Variants in LYPD1 observed in about 807,000 individuals in gnomAD.
LYPD1 encodes the protein ly6/PLAUR domain-containing protein 1.
A neutral mutation model predicts 14.2 loss-of-function variants in LYPD1; 14 were observed. That is an observed-to-expected ratio of 0.99 (90% confidence interval 0.65 to 1.54). The LOEUF (loss-of-function observed/expected upper bound fraction) is 1.54, where lower values mean the gene tolerates loss of function less well. Ranked by LOEUF, LYPD1 falls within the 40% of genes most tolerant of loss-of-function variation. The probability of loss-of-function intolerance (pLI) is 0.00; values close to 1 mark genes in which losing one functional copy is unlikely to be tolerated. For missense variants in LYPD1, 165 were observed against 175.7 expected (o/e 0.94, Z 0.34); for synonymous variants, 85 against 70.6 (o/e 1.20, Z -1.02).
chr2:132,645,274 T>C lies in LYPD1; in HGVS notation c.*771A>G. On this transcript the variant is annotated 3_prime_UTR_variant, in exon 3 of 3. Transcript: ENST00000397463. The stretch of plus-strand genomic sequence containing the variant: ...CAGCTCGGTCATCAACCCGCTCCTG[T>C]ACACGGTGTCCTCGCAGCAGTTTCG... 1.2e-6 allele frequency: 2 copies of C among 1,614,194 alleles called. No homozygotes were observed. The highest frequency in any genetic ancestry group is 1.7e-6 in the Non-Finnish European group (2 of 1,180,028).
intron 2 of LYPD1, among the ~76,000 whole-genome samples, chr2:132,662,563 TAGGA>T (rs888288970): frequency 3.4e-5 from 4 of 119,108 alleles, no homozygotes; most frequent in East Asian, 2.4e-4. Context: ...GTTGGTCAAT[TAGGA>T]AGGAAGGAAG....
intron 2 of LYPD1, among the ~76,000 whole-genome samples, chr2:132,667,216 G>T (rs898619843): frequency 3.3e-5 from 5 of 152,186 alleles, no homozygotes; most frequent in African/African-American, 1.2e-4. Context: ...TTACCCTTGA[G>T]AGCCAGTATG....
intron 2 of LYPD1, among the ~76,000 whole-genome samples, chr2:132,658,245 C>T (rs147668383): frequency 2.1e-4 from 32 of 152,190 alleles, no homozygotes; most frequent in African/African-American, 6.7e-4. Context: ...TAGGAGCAAC[C>T]CCAAGATCAC....
chr2:132,670,220 G>C (rs956335557), upstream of LYPD1: 6 of 922,116 alleles, frequency 6.5e-6, no homozygotes, highest in African/African-American at 3.5e-5. This position sits in a 1 kb window ranked among gnomAD's most constrained non-coding sequence, Gnocchi z 4.5. Flanking sequence ...ACTGGCGATC[G>C]GGAGCACCCA....
In LYPD1 at chr2:132,646,398, G is replaced by A. The variant is rs1682080600; in HGVS notation, c.191-118C>T. ...TACTCCTCCCACAGCCCAGAGACTA[G>A]GTGAGGTCAGGGAAGTGCTTCGGAT... On this transcript the variant is annotated intron_variant, in intron 2 of 2. Coordinates refer to ENST00000397463, the MANE Select transcript of LYPD1 (RefSeq NM_144586.7). 5.4e-6 allele frequency: 3 copies of A among 558,024 alleles called. No homozygotes were observed. The Admixed American group carries it at 1.3e-4, about 24-fold the overall frequency. The allele number at this position is 558,024 out of a possible 1,614,324, so 34.6% of individuals were successfully genotyped here.
Position 132,644,402 on chromosome 2 carries a change from A to G in LYPD1, c.*1643T>C, listed in dbSNP as rs1317297868. On this transcript the variant is annotated 3_prime_UTR_variant, in exon 3 of 3. Transcript: ENST00000397463. ...ACTAGAAGGAAGTTTTATATTTGCC[A>G]TCTCTGAATAATTCTTTTTCCCCAC... 6.6e-6 allele frequency among the ~76,000 whole-genome samples: 1 copy of G among 152,240 alleles called. No homozygotes were observed. The highest frequency in any genetic ancestry group is 6.5e-5 in the Admixed American group (1 of 15,278).
chr2:132,669,950 G>T lies in LYPD1; in HGVS notation c.-18C>A, dbSNP rs1683559601. The T allele has an allele frequency of 6.2e-7, 1 of 1,611,354 alleles. No homozygotes were observed. The highest frequency in any genetic ancestry group is 8.5e-7 in the Non-Finnish European group (1 of 1,179,212). ...ACCCACATTCTCCCGGAGTCCCGGG[G>T]CCGGGAGAGGGCAAGCGCATCAGAG... On this transcript the variant is annotated 5_prime_UTR_variant, in exon 1 of 3. Transcript: ENST00000397463. This position sits in a 1 kb window ranked among gnomAD's most constrained non-coding sequence, Gnocchi z 4.3.
chr2:132,658,720 A>G (rs1682745888), intron 2 of LYPD1, among the ~76,000 whole-genome samples: 1 of 151,190 alleles, frequency 6.6e-6, no homozygotes, highest in Non-Finnish European at 1.5e-5. Context: ...TATATCCCTC[A>G]GCTGAAAGTC....
intron 2 of LYPD1, among the ~76,000 whole-genome samples, chr2:132,651,005 A>G (rs779679178): frequency 1.3e-5 from 2 of 152,162 alleles, no homozygotes. Flanking sequence ...ATGCTATAAC[A>G]TGCATCCATT....
Position 132,646,040 on chromosome 2 carries a change from CA to C in LYPD1, c.*4del, listed in dbSNP as rs775463323. On this transcript the variant is annotated 3_prime_UTR_variant, in exon 3 of 3. Transcript: ENST00000397463. ...ATGCAGGAGGGGGTGGCATCTCCTT[CA>C]GCTTCAGCAGTGTGCCGAGAAGAGG... The C allele has an allele frequency of 2.6e-6, 4 of 1,537,528 alleles. No individual in the cohort carries two copies. In the South Asian group the frequency reaches 5.0e-5, roughly 19 times the overall value.
intron 2 of LYPD1, among the ~76,000 whole-genome samples, chr2:132,663,639 T>C (rs1341533258): frequency 6.6e-6 from 1 of 152,210 alleles, no homozygotes; most frequent in Non-Finnish European, 1.5e-5. Flanking sequence ...GGAACTTTGT[T>C]TTTGTTTTGC....
chr2:132,655,683 T>G (rs1682551085), intron 2 of LYPD1, among the ~76,000 whole-genome samples: 2 of 151,768 alleles, frequency 1.3e-5, no homozygotes, highest in Non-Finnish European at 2.9e-5. Context: ...CCTGGCTAAT[T>G]TTTTGTGTTT....
chr2:132,653,054 C>G (rs1682416470), intron 2 of LYPD1, among the ~76,000 whole-genome samples: 1 of 152,166 alleles, frequency 6.6e-6, no homozygotes, highest in Non-Finnish European at 1.5e-5. Flanking sequence ...TTCCAGAAGC[C>G]ATGATCCTCT....
chr2:132,665,233 C>CAGAA (rs1355236443), intron 2 of LYPD1, among the ~76,000 whole-genome samples: 3 of 152,220 alleles, frequency 2.0e-5, no homozygotes, highest in African/African-American at 7.2e-5. Context: ...AGACTTAGTC[C>CAGAA]AGAAAACTGA....
intron 2 of LYPD1, among the ~76,000 whole-genome samples, chr2:132,659,095 CT>C (rs1477781121): frequency 6.6e-6 from 1 of 152,204 alleles, no homozygotes; most frequent in Non-Finnish European, 1.5e-5. Flanking sequence ...ACAACTATCA[CT>C]AACAGGCATT....
upstream of LYPD1, among the ~76,000 whole-genome samples, chr2:132,670,961 A>G (rs1431011340): frequency 6.6e-6 from 1 of 152,140 alleles, no homozygotes; most frequent in Non-Finnish European, 1.5e-5. This position sits in a 1 kb window ranked among gnomAD's most constrained non-coding sequence, Gnocchi z 4.5. Flanking sequence ...GTGAGGTCCT[A>G]CCAGAAAGCA....
chr2:132,646,292 A>G lies in LYPD1; in HGVS notation c.191-12T>C, dbSNP rs921962484. ...GCGGTACATGATCCCTGTAACACAGACCCAAAGGAGCTGAGTTAACGTGCA... is the reference window on the plus strand; with the variant it reads ...GCGGTACATGATCCCTGTAACACAGGCCCAAAGGAGCTGAGTTAACGTGCA... On this transcript the variant is annotated splice_polypyrimidine_tract_variant and intron_variant, in intron 2 of 2. Coordinates refer to ENST00000397463, the MANE Select transcript of LYPD1 (RefSeq NM_144586.7). 1.2e-5 allele frequency: 17 copies of G among 1,442,988 alleles called. No individual in the cohort carries two copies. Among genetic ancestry groups the G allele is most frequent in the Non-Finnish European group, 1.4e-5 (15 of 1,089,012 alleles). The allele number at this position is 1,442,988 out of a possible 1,614,324, so 89.4% of individuals were successfully genotyped here.
chr2:132,647,518 A>AGAT lies in LYPD1; in HGVS notation c.191-1241_191-1239dup, dbSNP rs1175997144. Reference sequence around the variant, plus strand: ...CGACTAACTTTTGTAGTTTTAGTAGAGATGGGGTTTCACCGTGTTAGCCAG... The same window carrying AGAT: ...CGACTAACTTTTGTAGTTTTAGTAGAGATGATGGGGTTTCACCGTGTTAGCCAG... On this transcript the variant is annotated intron_variant, in intron 2 of 2. Transcript: ENST00000397463. 6.6e-5 allele frequency among the ~76,000 whole-genome samples: 10 copies of AGAT among 152,304 alleles called. No homozygotes were observed. The South Asian group carries it at 8.3e-4, about 13-fold the overall frequency.
At chr2:132,655,923 G>A (rs1280183679) in intron 2 of LYPD1, among the ~76,000 whole-genome samples, 1 of 152,078 alleles carries the variant, frequency 6.6e-6, no homozygotes, top group East Asian at 1.9e-4. Context: ...GAGCCTCTTT[G>A]TTGTATTGAG....
Sources: allele counts gnomAD v4.1 joint callset (sites outside exome capture counted in the v4.1 genomes callset), GRCh38; gene constraint gnomAD v4.1.1; non-coding constraint Gnocchi (gnomAD v3.1); transcripts MANE v1.5; gene names NCBI Gene and HGNC (gene_info 2026-07-23, HGNC 2026-07-21).